The following IL17RA variants were observed in gnomAD, a reference collection of about 807,000 sequenced individuals.
The protein encoded by IL17RA is interleukin 17 receptor A, also known as interleukin-17 receptor A.
In IL17RA, 34 loss-of-function variants were observed where a neutral mutation model predicts 50.4. That is an observed-to-expected ratio of 0.67 (90% CI 0.51 to 0.90). The LOEUF is 0.90. Among genes scored for constraint, IL17RA ranks in the 40% least tolerant of loss-of-function variants. The pLI is 0.00. For missense variants in IL17RA, 1,276 were observed against 1,169.8 expected (o/e 1.09, Z -1.32); for synonymous variants, 585 against 510.4 (o/e 1.15, Z -1.97).
chr22:17,111,758 A>T lies in IL17RA; in HGVS notation c.*1938A>T, dbSNP rs2061443875. On this transcript the variant is annotated 3_prime_UTR_variant, in exon 13 of 13. Transcript: ENST00000319363. ...TGTGCGCACACATACATGTGCGTGA[A>T]AGATTATCAATAAAAGTGCATAAAT... is the stretch of plus-strand genomic sequence containing the variant. 1 of 152,180 alleles carries T rather than the reference A, an allele frequency of 6.6e-6. No individual in the cohort carries two copies. The highest frequency in any genetic ancestry group is 1.5e-5 in the Non-Finnish European group (1 of 68,032). The allele number at this position is 152,180 out of a possible 1,614,324, so 9.4% of individuals were successfully genotyped here. A position where few individuals can be genotyped will look rare whatever the true frequency, so the allele number is the denominator to read the frequency against.
At chr22:17,107,575 C>CCTGTGCGA in intron 11 of IL17RA, 152 bp from the exon 12 acceptor site, 1 of 714,512 alleles carries the variant, frequency 1.4e-6, no homozygotes, top group Non-Finnish European at 2.6e-6. Context: ...AGGACTCATG[C>CCTGTGCGA]CTGTGCGACC....
intron 1 of IL17RA, among the ~76,000 whole-genome samples, chr22:17,095,637 G>A (rs997441212): frequency 6.6e-5 from 10 of 152,120 alleles, no homozygotes; most frequent in African/African-American, 2.4e-4. Context: ...TAAGGGAGAG[G>A]AAAAATGAGA....
intron 2 of IL17RA, chr22:17,097,408 G>C (rs2061372165): frequency 9.7e-6 from 5 of 514,518 alleles, no homozygotes; most frequent in South Asian, 2.1e-5. Flanking sequence ...CATCTGTGCT[G>C]TTGATTTTGT....
At chr22:17,093,509 C>CA (rs768370514) in intron 1 of IL17RA, 1 of 152,254 alleles carries the variant, frequency 6.6e-6, no homozygotes, top group Non-Finnish European at 1.5e-5. Context: ...TTCCTCCACT[C>CA]AGCACAAGCC....
chr22:17,085,334 G>T, intron 1 of IL17RA, 105 bp downstream of exon 1: 1 of 1,501,910 alleles, frequency 6.7e-7, no homozygotes. Context: ...TGGGGAGGCA[G>T]GAAGTCCGCG....
chr22:17,108,038 TTTTTC>T (rs1435555790), intron 12 of IL17RA, among the ~76,000 whole-genome samples: 1 of 152,222 alleles, frequency 6.6e-6, no homozygotes, highest in East Asian at 1.9e-4. Flanking sequence ...TTGGTGCCTC[TTTTTC>T]TTTTCTTAAT....
intron 1 of IL17RA, among the ~76,000 whole-genome samples, chr22:17,092,834 T>A (rs769754276): frequency 1.4e-4 from 21 of 152,226 alleles, no homozygotes; most frequent in South Asian, 6.2e-4. Context: ...TCTCTAATGA[T>A]CATATATTTT....
chr22:17,100,285 G>T, intron 4 of IL17RA, 70 bp from the exon 5 acceptor site: 1 of 1,593,270 alleles, frequency 6.3e-7, no homozygotes, highest in Admixed American at 1.7e-5. Flanking sequence ...GGGAACGGGG[G>T]TCTTTGGGCA....
chr22:17,108,336 C>A lies in IL17RA; in HGVS notation c.1117C>A (p.Pro373Thr), dbSNP rs748951854. Reference protein sequence around the residue: ...DGLPAADLIPPPLKPRKVWII... With the variant: ...DGLPAADLIPTPLKPRKVWII... ...CCTGCCTGCGGCTGACCTGATCCCC[C>A]CACCGCTGAAGCCCAGGAAGGTCTG... is the stretch of plus-strand genomic sequence containing the variant. Residue 373 changes from proline to threonine, a missense_variant, in exon 13 of 13, where the codon CCA becomes ACA. Pro to Thr is a conservative substitution (Grantham distance 38). Transcript: ENST00000319363. 2 of 1,614,158 alleles carry A rather than the reference C, an allele frequency of 1.2e-6. No individual in the cohort carries two copies. The highest frequency in any genetic ancestry group is 8.5e-7 in the Non-Finnish European group (1 of 1,180,024).
At chr22:17,089,514 T>G (rs1333035707) in intron 1 of IL17RA, among the ~76,000 whole-genome samples, 1 of 152,170 alleles carries the variant, frequency 6.6e-6, no homozygotes, top group Non-Finnish European at 1.5e-5. Flanking sequence ...CCCCCTCTGA[T>G]TTCTGCAAGA....
chr22:17,094,687 C>CTATA (rs1290093835), intron 1 of IL17RA, among the ~76,000 whole-genome samples: 33 of 43,260 alleles, frequency 7.6e-4, no homozygotes, highest in South Asian at 1.4e-3. Flanking sequence ...CTCTCTCTCT[C>CTATA]TCTCTATATA....
intron 4 of IL17RA, 118 bp from the exon 5 acceptor site, chr22:17,100,237 C>G: frequency 7.5e-6 from 9 of 1,202,776 alleles, no homozygotes; most frequent in East Asian, 2.8e-5. Flanking sequence ...GTGGTTGTTG[C>G]TTTGTTCTTA....
intron 1 of IL17RA, among the ~76,000 whole-genome samples, chr22:17,089,793 C>T (rs769284963): frequency 6.6e-6 from 1 of 151,854 alleles, no homozygotes; most frequent in Non-Finnish European, 1.5e-5. Flanking sequence ...GGATCTCTTG[C>T]GCCCAAGAGG....
At chr22:17,107,844 G>T in intron 12 of IL17RA, 76 bp downstream of exon 12, 6 of 1,310,720 alleles carry the variant, frequency 4.6e-6, no homozygotes, top group Non-Finnish European at 6.6e-6. Context: ...TGCGTGGGTC[G>T]CCTCCTGTGC....
intron 1 of IL17RA, among the ~76,000 whole-genome samples, chr22:17,096,259 A>G (rs1162261994): frequency 6.6e-6 from 1 of 152,174 alleles, no homozygotes; most frequent in East Asian, 1.9e-4. Context: ...GGGAGGCAAT[A>G]TAATGTAACA....
intron 11 of IL17RA, 53 bp downstream of exon 11, chr22:17,106,007 C>A: frequency 2.3e-6 from 3 of 1,327,514 alleles, no homozygotes; most frequent in Non-Finnish European, 3.2e-6. Flanking sequence ...ACCAGCACCA[C>A]CACTCACTAC....
At chr22:17,103,408 T>C in intron 7 of IL17RA, 86 bp from the exon 8 acceptor site, 1 of 1,073,448 alleles carries the variant, frequency 9.3e-7, no homozygotes, top group South Asian at 1.3e-5. Flanking sequence ...CTGGACAGCC[T>C]CTCCATGGCA....
intron 2 of IL17RA, 189 bp downstream of exon 2, chr22:17,097,275 CAA>C (rs1368231720): frequency 4.6e-6 from 3 of 659,020 alleles, no homozygotes; most frequent in Non-Finnish European, 8.4e-6. Flanking sequence ...ATTCATTATG[CAA>C]AAGTCAGGAA....
chr22:17,094,655 C>T (rs113582882), intron 1 of IL17RA, among the ~76,000 whole-genome samples: 1 of 30,596 alleles, frequency 3.3e-5, no homozygotes, highest in African/African-American at 2.1e-4. Context: ...GTCATACACA[C>T]ACTCTCTCTC....
Sources: gnomAD v4.1 joint callset for allele counts (sites outside exome capture counted in the v4.1 genomes callset) on GRCh38, gnomAD v4.1.1 for gene constraint, MANE v1.5 for transcripts, NCBI Gene and HGNC (gene_info 2026-07-23, HGNC 2026-07-21) for gene names.